Variants in CAMKMT observed in about 807,000 individuals in gnomAD.
CAMKMT encodes the protein calmodulin-lysine N-methyltransferase.
CAMKMT carries 53 observed loss-of-function variants against 48.0 expected under a neutral mutation model. The ratio of observed to expected loss-of-function variants is 1.10; its 90% CI spans 0.89 to 1.39. The LOEUF is 1.39. CAMKMT is among the 40% of genes most tolerant of loss of function. The pLI is 0.00. For synonymous variants in CAMKMT, 165 were observed against 152.3 expected (o/e 1.08, Z -0.61); for missense variants, 428 against 402.7 (o/e 1.06, Z -0.54).
intron 3 of CAMKMT, among the ~76,000 whole-genome samples, chr2:44,414,805 C>T (rs1381977744): frequency 6.6e-6 from 1 of 152,200 alleles, no homozygotes; most frequent in Non-Finnish European, 1.5e-5. Context: ...GTCTCCAAAG[C>T]TACACTTGAA....
At chr2:44,595,416 GA>G (rs1670593673) in intron 3 of CAMKMT, among the ~76,000 whole-genome samples, 1 of 152,138 alleles carries the variant, frequency 6.6e-6, no homozygotes, top group Admixed American at 6.5e-5. Flanking sequence ...TTGCTACAAA[GA>G]GAATAAAATA....
chr2:44,595,667 A>G (rs148485729), intron 3 of CAMKMT, among the ~76,000 whole-genome samples: 10 of 152,350 alleles, frequency 6.6e-5, no homozygotes, highest in Admixed American at 4.6e-4. Flanking sequence ...AAAAACTACT[A>G]TAAAGACACA....
intron 3 of CAMKMT, among the ~76,000 whole-genome samples, chr2:44,644,094 A>T (rs1243405523): frequency 6.6e-6 from 1 of 152,198 alleles, no homozygotes; most frequent in Non-Finnish European, 1.5e-5. Flanking sequence ...ATGATCATCT[A>T]TGTGCCATTA....
At chr2:44,402,740 G>GTTTTTTTTTTTTTTT in intron 3 of CAMKMT, among the ~76,000 whole-genome samples, 3 of 94,106 alleles carry the variant, frequency 3.2e-5, no homozygotes, top group African/African-American at 8.3e-5. Flanking sequence ...TTGTTTTGCT[G>GTTTTTTTTTTTTTTT]TTTTTTTTTT....
intron 6 of CAMKMT, among the ~76,000 whole-genome samples, chr2:44,710,698 T>C (rs911706519): frequency 2.0e-5 from 3 of 152,164 alleles, no homozygotes; most frequent in African/African-American, 7.2e-5. Context: ...CCATAAGGTT[T>C]GTAACTTGTG....
intron 3 of CAMKMT, among the ~76,000 whole-genome samples, chr2:44,443,599 G>C (rs748302418): frequency 3.9e-5 from 6 of 152,102 alleles, no homozygotes; most frequent in Non-Finnish European, 8.8e-5. Context: ...TAGTTTAACA[G>C]GTTTAGTCAC....
At chr2:44,541,638 GT>G (rs1667111683) in intron 3 of CAMKMT, among the ~76,000 whole-genome samples, 1 of 151,948 alleles carries the variant, frequency 6.6e-6, no homozygotes, top group African/African-American at 2.4e-5. Flanking sequence ...GCGCATAGTG[GT>G]GCATCCTTGT....
At chr2:44,673,454 A>G (rs539587240) in intron 3 of CAMKMT, among the ~76,000 whole-genome samples, 46 of 138,616 alleles carry the variant, frequency 3.3e-4, no homozygotes, top group African/African-American at 1.2e-3. Flanking sequence ...AGAGAGAGAA[A>G]GAGAAAGAAA....
chr2:44,646,282 T>G (rs1335300201), intron 3 of CAMKMT, among the ~76,000 whole-genome samples: 4 of 151,252 alleles, frequency 2.6e-5, no homozygotes, highest in African/African-American at 7.3e-5. Flanking sequence ...TCAGATTGGC[T>G]GTTAGGCATT....
intron 3 of CAMKMT, among the ~76,000 whole-genome samples, chr2:44,414,859 A>G (rs1683444288): frequency 6.6e-6 from 1 of 152,216 alleles, no homozygotes; most frequent in Non-Finnish European, 1.5e-5. Flanking sequence ...GCTAAGTTTG[A>G]ATTTTTAAAA....
intron 3 of CAMKMT, among the ~76,000 whole-genome samples, chr2:44,410,916 A>G (rs147675112): frequency 0.012 from 1,823 of 152,316 alleles, 31 homozygotes; most frequent in African/African-American, 0.04. Context: ...ATCATTATGT[A>G]TAAAATTAAT....
rs1677888515 is a variant in CAMKMT at position 44,361,972 on chromosome 2, G to A, written c.-36G>A. 4.4e-6 allele frequency: 6 copies of A among 1,363,504 alleles called. No individual in the cohort carries two copies. The highest frequency in any genetic ancestry group is 3.8e-6 in the Non-Finnish European group (4 of 1,062,370). 84.5% of individuals were successfully genotyped at this position (1,363,504 alleles called of 1,614,324 possible). On this transcript the variant is annotated 5_prime_UTR_variant, in exon 1 of 11. Transcript: ENST00000378494. ...AGGTCCTGGCAGGGGACGAGCTGCGGCGGTGGCACCTCCGGGTGTGGAAGG... is the reference window on the plus strand; with the variant it reads ...AGGTCCTGGCAGGGGACGAGCTGCGACGGTGGCACCTCCGGGTGTGGAAGG...
intron 3 of CAMKMT, among the ~76,000 whole-genome samples, chr2:44,655,769 G>A (rs1168374211): frequency 2.0e-5 from 3 of 152,158 alleles, no homozygotes; most frequent in African/African-American, 7.2e-5. Context: ...CATGCTTACC[G>A]AGCTTGTTCA....
In CAMKMT at chr2:44,754,185, G is replaced by A. The variant is rs559092179; in HGVS notation, c.762+67G>A. On this transcript the variant is annotated intron_variant, in intron 9 of 10. Coordinates refer to ENST00000378494, the MANE Select transcript of CAMKMT (RefSeq NM_024766.5). ...TAATTAGTCTGTGCACAAAGATGGA[G>A]AGAGTAATGGAATGGCAGGATTAAT... 738 of 1,210,156 alleles carry A rather than the reference G, an allele frequency of 6.1e-4. 11 individuals are homozygous for A. The South Asian group carries it at 8.6e-3, about 14-fold the overall frequency. The allele number at this position is 1,210,156 out of a possible 1,614,324, so 75.0% of individuals were successfully genotyped here. A position where few individuals can be genotyped will look rare whatever the true frequency, so the allele number is the denominator to read the frequency against.
chr2:44,430,440 A>T (rs1280733780), intron 3 of CAMKMT, among the ~76,000 whole-genome samples: 1 of 151,604 alleles, frequency 6.6e-6, no homozygotes, highest in African/African-American at 2.4e-5. Context: ...AACAATGCCT[A>T]AGAATTTAGC....
chr2:44,372,430 G>A (rs1418705077), intron 1 of CAMKMT, among the ~76,000 whole-genome samples: 5 of 150,188 alleles, frequency 3.3e-5, no homozygotes, highest in African/African-American at 7.4e-5. Context: ...CAGGCTGGGT[G>A]ACAGTGAGGC....
chr2:44,378,484 G>A (rs1355030021), intron 2 of CAMKMT, among the ~76,000 whole-genome samples: 1 of 147,826 alleles, frequency 6.8e-6, no homozygotes, highest in Non-Finnish European at 1.5e-5. Context: ...TTGTTTGTTT[G>A]TTTGTTTGTT....
At chr2:44,528,743 T>C (rs1340233769) in intron 3 of CAMKMT, among the ~76,000 whole-genome samples, 1 of 152,180 alleles carries the variant, frequency 6.6e-6, no homozygotes, top group Admixed American at 6.5e-5. Flanking sequence ...TTGAAGAAAC[T>C]GGACTATTCA....
At chr2:44,461,568 G>C (rs771019657) in intron 3 of CAMKMT, among the ~76,000 whole-genome samples, 1 of 152,162 alleles carries the variant, frequency 6.6e-6, no homozygotes, top group Non-Finnish European at 1.5e-5. Flanking sequence ...AGGTTTGAGA[G>C]GACAGGGAAT....
Sources: allele counts gnomAD v4.1 joint callset (sites outside exome capture counted in the v4.1 genomes callset), GRCh38; gene constraint gnomAD v4.1.1; transcripts MANE v1.5; gene names NCBI Gene and HGNC (gene_info 2026-07-23, HGNC 2026-07-21).